The following DNAJB1 variants were observed in gnomAD, a reference collection of about 807,000 sequenced individuals.
DNAJB1 encodes DnaJ heat shock protein family (Hsp40) member B1.
In DNAJB1, 14 loss-of-function variants were observed where a neutral mutation model predicts 24.0. That is an observed-to-expected ratio of 0.58 (90% CI 0.39 to 0.91). DNAJB1 has a LOEUF of 0.91. DNAJB1 is among the 40% of genes least tolerant of loss of function. The probability of loss-of-function intolerance (pLI) is 0.00; values close to 1 mark genes in which losing one functional copy is unlikely to be tolerated. For missense variants in DNAJB1, 517 were observed against 458.1 expected, an observed-to-expected ratio of 1.13 and a Z score of -1.17; for synonymous variants, 262 against 174.4, an observed-to-expected ratio of 1.50 and a Z score of -3.96.
chr19:14,532,779 TAAC>T (rs1370261282), upstream of DNAJB1, among the ~76,000 whole-genome samples: 2 of 152,100 alleles, frequency 1.3e-5, no homozygotes, highest in African/African-American at 2.4e-5. Context: ...CACTCACACT[TAAC>T]AAGCAATTTG....
At chr19:14,553,466 C>G (rs2073609751), upstream of DNAJB1, among the ~76,000 whole-genome samples, 1 of 152,112 alleles carries the variant, frequency 6.6e-6, no homozygotes, top group African/African-American at 2.4e-5. Context: ...TGCAGCCGCC[C>G]CCGGGTGCCA....
At chr19:14,556,413 A>AAAAACAAAAAC (rs1555735954) in intron 1 of DNAJB1, among the ~76,000 whole-genome samples, 4,887 of 86,618 alleles carry the variant, frequency 0.056, 161 homozygotes, top group South Asian at 0.11. Flanking sequence ...TCTCTCAAAA[A>AAAAACAAAAAC]AAAAACAAAA....
At chr19:14,541,913 G>T (rs2073108697) in intron 1 of DNAJB1, among the ~76,000 whole-genome samples, 1 of 151,888 alleles carries the variant, frequency 6.6e-6, no homozygotes, top group Admixed American at 6.6e-5. Context: ...CTCCCGATTG[G>T]CTGGGATTAC....
At chr19:14,525,039 T>C (rs1479326300) in intron 2 of DNAJB1, among the ~76,000 whole-genome samples, 1 of 151,784 alleles carries the variant, frequency 6.6e-6, no homozygotes, top group East Asian at 1.9e-4. Context: ...ATGGAGACCA[T>C]CCTGACCAAC....
chr19:14,527,209 TTCATTC>T (rs1271244455), intron 2 of DNAJB1, among the ~76,000 whole-genome samples: 1 of 120,698 alleles, frequency 8.3e-6, no homozygotes, highest in Admixed American at 9.3e-5. Context: ...GAGACGGAGT[TTCATTC>T]TTGTCACCCA....
upstream of DNAJB1, chr19:14,530,090 C>T: frequency 1.4e-5 from 5 of 354,812 alleles, no homozygotes; most frequent in South Asian, 1.0e-4. Flanking sequence ...GCCACGCCGC[C>T]GTCACCAGCG....
In DNAJB1 at chr19:14,516,925, G is replaced by T; in HGVS notation, c.333C>A (p.Pro111=). 1.9e-6 allele frequency: 3 copies of T among 1,614,036 alleles called. No individual in the cohort carries two copies. Among genetic ancestry groups the T allele is most frequent in the Non-Finnish European group, 1.7e-6 (2 of 1,180,036 alleles). The change falls in exon 2 of 3, where the codon CCC becomes CCA. Residue 111 remains proline (P), a synonymous_variant. Transcript: ENST00000254322. ...MFAEFFGGRN[P]FDTFFGQRNG... is the part of the protein sequence containing the mutation. Reference sequence around the variant, plus strand: ...TCCGCTGCCCAAAAAAGGTGTCAAAGGGATTTCTGCCACCGAAGAACTCAG... The same window carrying T: ...TCCGCTGCCCAAAAAAGGTGTCAAATGGATTTCTGCCACCGAAGAACTCAG...
chr19:14,529,512 A>G (rs1338335867), upstream of DNAJB1: 1 of 773,556 alleles, frequency 1.3e-6, no homozygotes, highest in Non-Finnish European at 2.3e-6. Context: ...CCCAAGGAGC[A>G]GGGGCGAACG....
chr19:14,516,255 C>T, intron 2 of DNAJB1, 85 bp from the exon 3 acceptor site: 1 of 1,466,606 alleles, frequency 6.8e-7, no homozygotes, highest in Non-Finnish European at 9.3e-7. Flanking sequence ...ATAGATAAGA[C>T]CCATCAGGCC....
chr19:14,529,614 T>A (rs771342700), upstream of DNAJB1: 4 of 1,604,846 alleles, frequency 2.5e-6, no homozygotes. Flanking sequence ...TCGCTGCGGT[T>A]GCGAGCGCTG....
intron 1 of DNAJB1, 52 bp from the exon 2 acceptor site, chr19:14,517,098 C>A: frequency 6.5e-7 from 1 of 1,540,458 alleles, no homozygotes; most frequent in Non-Finnish European, 8.8e-7. Flanking sequence ...GACTCTCTCT[C>A]GAGCTTCCCT....
chr19:14,559,624 T>C (rs544059164), intron 1 of DNAJB1, among the ~76,000 whole-genome samples: 2 of 152,010 alleles, frequency 1.3e-5, no homozygotes, highest in East Asian at 3.9e-4. Context: ...CCATCTCTCC[T>C]AAAATACAAA....
chr19:14,544,191 G>C (rs189956065), intron 1 of DNAJB1, among the ~76,000 whole-genome samples: 1 of 151,982 alleles, frequency 6.6e-6, no homozygotes, highest in Admixed American at 6.6e-5. Context: ...CCTCCGAGAA[G>C]CCTCTGCCCC....
chr19:14,544,720 A>C (rs575267303), intron 1 of DNAJB1, among the ~76,000 whole-genome samples: 1 of 150,394 alleles, frequency 6.6e-6, no homozygotes, highest in Non-Finnish European at 1.5e-5. Context: ...TGCAACTCCA[A>C]CTCCTGGGTT....
At chr19:14,546,410 A>C (rs913624798) in intron 1 of DNAJB1, among the ~76,000 whole-genome samples, 6 of 152,066 alleles carry the variant, frequency 3.9e-5, no homozygotes, top group African/African-American at 1.4e-4. Flanking sequence ...AACATGCTGA[A>C]ACCCCTCTTC....
upstream of DNAJB1, chr19:14,529,774 G>A: frequency 6.2e-7 from 1 of 1,609,746 alleles, no homozygotes; most frequent in Non-Finnish European, 8.5e-7. Context: ...CTTCTTTGCG[G>A]GACCACGGGA....
intron 1 of DNAJB1, chr19:14,545,217 C>T (rs1599445399): frequency 4.4e-6 from 2 of 456,590 alleles, no homozygotes; most frequent in Non-Finnish European, 8.8e-6. Context: ...TCTGCTCCAG[C>T]CTGCTGCTTA....
At chr19:14,534,362 G>A (rs908569987), upstream of DNAJB1, among the ~76,000 whole-genome samples, 17 of 142,986 alleles carry the variant, frequency 1.2e-4, no homozygotes, top group African/African-American at 4.4e-4. Flanking sequence ...CTGACCTTAT[G>A]ATCCGCCCGC....
intron 1 of DNAJB1, among the ~76,000 whole-genome samples, chr19:14,546,222 A>G (rs1294808937): frequency 1.3e-5 from 2 of 152,148 alleles, no homozygotes; most frequent in Admixed American, 1.3e-4. Context: ...ATCATAGATC[A>G]CACTGAAAGT....
Sources: gnomAD v4.1 joint callset for allele counts (sites outside exome capture counted in the v4.1 genomes callset) on GRCh38, gnomAD v4.1.1 for gene constraint, MANE v1.5 for transcripts, NCBI Gene and HGNC (gene_info 2026-07-23, HGNC 2026-07-21) for gene names.